SMARCE1: variants seen among roughly 807,000 people sequenced by gnomAD.
SMARCE1 encodes the protein SWI/SNF related BAF chromatin remodeling complex subunit E1, also known as SWI/SNF-related matrix-associated actin-dependent regulator of chromatin subfamily E member 1.
A neutral mutation model predicts 54.9 loss-of-function variants in SMARCE1; 13 were observed. The ratio of observed to expected loss-of-function variants is 0.24; its 90% CI spans 0.15 to 0.38. The LOEUF (loss-of-function observed/expected upper bound fraction) is 0.38, where lower values mean the gene tolerates loss of function less well. Among genes scored for constraint, SMARCE1 ranks in the 10% least tolerant of loss-of-function variants. The probability of loss-of-function intolerance (pLI) is 1.00; values close to 1 mark genes in which losing one functional copy is unlikely to be tolerated. For synonymous variants in SMARCE1, 151 were observed against 175.3 expected, an observed-to-expected ratio of 0.86 and a Z score of 1.10; for missense variants, 295 against 523.8, an observed-to-expected ratio of 0.56 and a Z score of 4.26.
chr17:40,629,028 A>G (rs560622839), intron 10 of SMARCE1, 35 bp from the exon 11 acceptor site: 2 of 1,572,068 alleles, frequency 1.3e-6, no homozygotes, highest in South Asian at 2.2e-5. Flanking sequence ...CAGTTCCAAG[A>G]TGAAATTTTA....
At chr17:40,630,556 G>A (rs1262827364) in intron 10 of SMARCE1, 158 bp downstream of exon 10, 5 of 685,120 alleles carry the variant, frequency 7.3e-6, no homozygotes, top group African/African-American at 7.1e-5. Flanking sequence ...AGCATTTAAA[G>A]GTTAAAATAC....
At chr17:40,638,071 CA>C (rs2037162915) in intron 4 of SMARCE1, among the ~76,000 whole-genome samples, 2 of 152,150 alleles carry the variant, frequency 1.3e-5, no homozygotes, top group Admixed American at 1.3e-4. Context: ...GGTTCAAAAA[CA>C]AAAACAATTA....
chr17:40,636,286 C>T (rs1468133214), intron 6 of SMARCE1, 109 bp downstream of exon 6: 17 of 1,257,092 alleles, frequency 1.4e-5, no homozygotes, highest in East Asian at 2.3e-5. Context: ...GACAGAGCCT[C>T]AGTACTGCAT....
rs2037047132 is a variant in SMARCE1, at chr17:40,627,505, A to AT, written c.*1279dup. On this transcript the variant is annotated 3_prime_UTR_variant, in exon 11 of 11. Coordinates refer to ENST00000348513, the MANE Select transcript of SMARCE1 (RefSeq NM_003079.5). Reference sequence around the variant, plus strand: ...CCAACTTCCATATGTGACAATGACTATAATGTAAGAAAACTGATTTTCACA... The same window carrying AT: ...CCAACTTCCATATGTGACAATGACTATTAATGTAAGAAAACTGATTTTCACA... 1.3e-5 allele frequency: 2 copies of AT among 152,278 alleles called. No homozygotes were observed. The highest frequency in any genetic ancestry group is 4.1e-4 in the South Asian group (2 of 4,834). The allele number at this position is 152,278 out of a possible 1,614,324, so 9.4% of individuals were successfully genotyped here.
chr17:40,634,948 T>G (rs1462006021), intron 7 of SMARCE1: 1 of 152,222 alleles, frequency 6.6e-6, no homozygotes, highest in Non-Finnish European at 1.5e-5. Context: ...TATTCCATAT[T>G]CTATTCTCTA....
In SMARCE1 at chr17:40,626,758, A is replaced by G. The variant is rs1325743133; in HGVS notation, c.*2027T>C. On this transcript the variant is annotated 3_prime_UTR_variant, in exon 11 of 11. Transcript: ENST00000348513. Reference sequence around the variant, plus strand: ...CATGGTGGCGAGAGCCTGTAATCCCAGCTGCTCTAGAGGCTGAGGCAGAGA... The same window carrying G: ...CATGGTGGCGAGAGCCTGTAATCCCGGCTGCTCTAGAGGCTGAGGCAGAGA... The G allele has an allele frequency of 6.7e-6, 1 of 149,104 alleles. No individual in the cohort carries two copies. Among genetic ancestry groups the G allele is most frequent in the Non-Finnish European group, 1.5e-5 (1 of 67,730 alleles). 9.2% of individuals were successfully genotyped at this position (149,104 alleles called of 1,614,324 possible). A position where few individuals can be genotyped will look rare whatever the true frequency, so the allele number is the denominator to read the frequency against.
At chr17:40,631,026 ATATATC>A in intron 9 of SMARCE1, 102 bp from the exon 10 acceptor site, 1 of 833,488 alleles carries the variant, frequency 1.2e-6, no homozygotes, top group South Asian at 1.8e-5. Flanking sequence ...AACTATATAT[ATATATC>A]TATACACCTG....
At chr17:40,638,814 C>G (rs896244186) in intron 4 of SMARCE1, among the ~76,000 whole-genome samples, 2 of 152,048 alleles carry the variant, frequency 1.3e-5, no homozygotes, top group African/African-American at 4.8e-5. Context: ...ACATTTTGTT[C>G]GCTTCCCCTT....
intron 4 of SMARCE1, among the ~76,000 whole-genome samples, chr17:40,639,220 G>GT (rs1342291142): frequency 1.3e-5 from 2 of 152,100 alleles, no homozygotes; most frequent in African/African-American, 4.8e-5. Flanking sequence ...TTCTTTCAAG[G>GT]GGAAAGAGAA....
chr17:40,630,388 A>T, intron 10 of SMARCE1: 1 of 671,786 alleles, frequency 1.5e-6, no homozygotes, highest in Non-Finnish European at 2.7e-6. Flanking sequence ...AGCCACAGAC[A>T]GTATGTAAAC....
At chr17:40,645,443 C>CT (rs376363717) in intron 3 of SMARCE1, 133 bp downstream of exon 3, 5,010 of 449,602 alleles carry the variant, frequency 0.011, no homozygotes, top group South Asian at 0.027. Context: ...GTAGGAAGTG[C>CT]TTTTTTTTTT....
chr17:40,636,386 C>A lies in SMARCE1; in HGVS notation c.369+9G>T, dbSNP rs2143997200. 6.2e-7 allele frequency: 1 copy of A among 1,610,470 alleles called. No individual in the cohort carries two copies. Among genetic ancestry groups the A allele is most frequent in the Non-Finnish European group, 8.5e-7 (1 of 1,178,514 alleles). On this transcript the variant is annotated intron_variant, in intron 6 of 10. Transcript: ENST00000348513. ...ACATTATCTATCCCACTGTGAGCCC[C>A]TACCCTACCTTTTCTGCTTCGTATT...
chr17:40,638,398 C>T (rs2037165349), intron 4 of SMARCE1, among the ~76,000 whole-genome samples: 3 of 151,016 alleles, frequency 2.0e-5, no homozygotes, highest in Admixed American at 6.6e-5. Flanking sequence ...AAAAGAGAGA[C>T]AGAAGAAAAG....
At chr17:40,635,747 ATTTC>A (rs1163671485) in intron 7 of SMARCE1, 180 bp downstream of exon 7, 5 of 421,292 alleles carry the variant, frequency 1.2e-5, no homozygotes, top group Non-Finnish European at 2.0e-5. Context: ...TGAAAAGGAT[ATTTC>A]TTTTTCTTGT....
chr17:40,645,085 A>T (rs1234270914), intron 3 of SMARCE1: 1 of 165,662 alleles, frequency 6.0e-6, no homozygotes, highest in Non-Finnish European at 1.3e-5. Context: ...TCTGCCCCAT[A>T]GATAATGAAA....
rs974845896 is a variant in SMARCE1, at chr17:40,626,583, CAACT to C, written c.*2198_*2201del. On this transcript the variant is annotated 3_prime_UTR_variant, in exon 11 of 11. Transcript: ENST00000348513. ...GCTGAGGTTCAGAGCTGTCAAATCC[CAACT>C]GAGGCCGGGCACAGTGGCTCACGCC... is the stretch of plus-strand genomic sequence containing the variant. The C allele has an allele frequency of 2.6e-5, 4 of 151,928 alleles. No homozygotes were observed. Among genetic ancestry groups the C allele is most frequent in the African/African-American group, 9.7e-5 (4 of 41,302 alleles). The allele number at this position is 151,928 out of a possible 1,614,324, so 9.4% of individuals were successfully genotyped here. A position where few individuals can be genotyped will look rare whatever the true frequency, so the allele number is the denominator to read the frequency against.
rs1370724287 is a variant in SMARCE1 at position 40,626,132 on chromosome 17, CAGG to C, written c.*2650_*2652del. The C allele has an allele frequency of 4.6e-5, 7 of 151,990 alleles. No homozygotes were observed. Among genetic ancestry groups the C allele is most frequent in the African/African-American group, 1.7e-4 (7 of 41,342 alleles). The allele number at this position is 151,990 out of a possible 1,614,324, so 9.4% of individuals were successfully genotyped here. On this transcript the variant is annotated 3_prime_UTR_variant, in exon 11 of 11. Transcript: ENST00000348513. ...ATCCCAGCTACTCAGGAGGCTGAGG[CAGG>C]AGAATTGCTGAAACCCAGGAGCTGG...
At chr17:40,647,073 T>C (rs2037265246) in intron 1 of SMARCE1, among the ~76,000 whole-genome samples, 1 of 147,814 alleles carries the variant, frequency 6.8e-6, no homozygotes, top group South Asian at 2.2e-4. Context: ...ACTTTAAAAT[T>C]ATTGCTCTCT....
At position 40,626,327 on chromosome 17, in the gene SMARCE1, A is replaced by G. The variant is rs912091176; in HGVS notation, c.*2458T>C. 6.6e-6 allele frequency: 1 copy of G among 152,226 alleles called. No homozygotes were observed. The highest frequency in any genetic ancestry group is 2.4e-5 in the African/African-American group (1 of 41,446). The allele number at this position is 152,226 out of a possible 1,614,324, so 9.4% of individuals were successfully genotyped here. On this transcript the variant is annotated 3_prime_UTR_variant, in exon 11 of 11. Transcript: ENST00000348513. ...CAGACTTTATGCATTCATACTCAAA[A>G]TAAATGCACTAAAAATCAAGGAGCA...
Sources: allele counts gnomAD v4.1 joint callset (sites outside exome capture counted in the v4.1 genomes callset), GRCh38; gene constraint gnomAD v4.1.1; transcripts MANE v1.5; gene names NCBI Gene and HGNC (gene_info 2026-07-23, HGNC 2026-07-21).